The following KIAA1549L variants were observed in gnomAD, a reference collection of about 807,000 sequenced individuals.
KIAA1549L encodes the protein KIAA1549 like.
KIAA1549L carries 88 observed loss-of-function variants against 160.7 expected under a neutral mutation model. The ratio of observed to expected loss-of-function variants is 0.55; its 90% CI spans 0.46 to 0.65. The LOEUF (loss-of-function observed/expected upper bound fraction) is 0.65. KIAA1549L is among the 30% of genes least tolerant of loss of function. The pLI, the probability that KIAA1549L is intolerant of heterozygous loss-of-function variation, is 0.00. For synonymous variants in KIAA1549L, 950 were observed against 976.7 expected (o/e 0.97, Z 0.51); for missense variants, 2,258 against 2,437.5 (o/e 0.93, Z 1.55).
chr11:33,666,841 G>C (rs1852473008), intron 20 of KIAA1549L, among the ~76,000 whole-genome samples: 1 of 152,206 alleles, frequency 6.6e-6, no homozygotes, highest in Admixed American at 6.5e-5. Context: ...TGTCGCCTTA[G>C]ACCGTGGCAC....
At chr11:33,402,360 C>G (rs1186065080) in intron 1 of KIAA1549L, among the ~76,000 whole-genome samples, 1 of 152,204 alleles carries the variant, frequency 6.6e-6, no homozygotes, top group Admixed American at 6.5e-5. Context: ...GTTTCCTGCA[C>G]CTGCTCCCTC....
intron 8 of KIAA1549L, 40 bp from the exon 9 acceptor site, chr11:33,568,036 T>C (rs181601186): frequency 1.2e-5 from 18 of 1,544,230 alleles, no homozygotes; most frequent in African/African-American, 1.1e-4. Flanking sequence ...CAGCAGAAAG[T>C]CTGCCTTCTG....
intron 12 of KIAA1549L, among the ~76,000 whole-genome samples, chr11:33,593,568 C>T (rs540473474): frequency 4.6e-5 from 7 of 152,202 alleles, no homozygotes; most frequent in African/African-American, 7.2e-5. Flanking sequence ...AGGTGAGAGA[C>T]GATCGTGTCA....
intron 15 of KIAA1549L, among the ~76,000 whole-genome samples, chr11:33,613,719 A>G (rs921978203): frequency 5.3e-5 from 8 of 152,188 alleles, no homozygotes; most frequent in Admixed American, 2.0e-4. Flanking sequence ...ATGGGTGGAG[A>G]CAAATATCCA....
In KIAA1549L at chr11:33,593,435, T is replaced by C. The variant is rs193286890; in HGVS notation, c.4751+2014T>C. Among the ~76,000 whole-genome samples, 19 of 152,192 alleles carry C rather than the reference T, an allele frequency of 1.2e-4. No individual in the cohort carries two copies. The East Asian group carries it at 3.7e-3, about 29-fold the overall frequency. On this transcript the variant is annotated intron_variant, in intron 12 of 20. Transcript: ENST00000658780. ...GCCTGGATGACAGAGTGAGGGCTTG[T>C]CTCAAAATAAAATATAATTAAAATA...
At chr11:33,400,463 T>C (rs909408780) in intron 1 of KIAA1549L, among the ~76,000 whole-genome samples, 11 of 152,324 alleles carry the variant, frequency 7.2e-5, no homozygotes, top group African/African-American at 2.6e-4. Flanking sequence ...CAACTTCTAC[T>C]GAGTGTCTGT....
In KIAA1549L at chr11:33,639,537, T is replaced by C. The variant is rs1010123872; in HGVS notation, c.5410-6149T>C. 7.2e-5 allele frequency among the ~76,000 whole-genome samples: 11 copies of C among 152,156 alleles called. No individual in the cohort carries two copies. In the East Asian group the frequency reaches 2.1e-3, roughly 29 times the overall value. The stretch of plus-strand genomic sequence containing the variant: ...AACTCATGATTATATGCAAAGTTCT[T>C]TTATTATTATTATTATTTTTGAGAT... On this transcript the variant is annotated intron_variant, in intron 16 of 20. Transcript: ENST00000658780.
At chr11:33,645,258 G>C (rs1851684357) in intron 16 of KIAA1549L, among the ~76,000 whole-genome samples, 1 of 152,074 alleles carries the variant, frequency 6.6e-6, no homozygotes, top group Non-Finnish European at 1.5e-5. Context: ...ACCAAAGGCT[G>C]GACACAGGAC....
intron 1 of KIAA1549L, among the ~76,000 whole-genome samples, chr11:33,501,089 C>G (rs1041702036): frequency 3.9e-5 from 6 of 152,062 alleles, no homozygotes; most frequent in Admixed American, 6.6e-5. Flanking sequence ...GGATTATGAT[C>G]TAAATGTCAG....
intron 19 of KIAA1549L, among the ~76,000 whole-genome samples, chr11:33,660,427 C>A (rs567253651): frequency 6.6e-6 from 1 of 152,112 alleles, no homozygotes; most frequent in Non-Finnish European, 1.5e-5. Context: ...TAGCCAGGCA[C>A]AGTGGCAGGC....
intron 1 of KIAA1549L, among the ~76,000 whole-genome samples, chr11:33,406,406 C>T (rs543027426): frequency 2.0e-5 from 3 of 152,322 alleles, no homozygotes; most frequent in Non-Finnish European, 2.9e-5. Flanking sequence ...CACCAGTGTG[C>T]ATGTGCAGGG....
At chr11:33,520,168 T>G (rs1590306134) in intron 1 of KIAA1549L, among the ~76,000 whole-genome samples, 1 of 152,168 alleles carries the variant, frequency 6.6e-6, no homozygotes, top group Non-Finnish European at 1.5e-5. Flanking sequence ...ATCTAGCGAA[T>G]TTTTAAGCAT....
chr11:33,391,435 C>T (rs956655727), intron 1 of KIAA1549L, among the ~76,000 whole-genome samples: 8 of 152,166 alleles, frequency 5.3e-5, no homozygotes, highest in African/African-American at 1.9e-4. Flanking sequence ...TTATTAGTCT[C>T]AATTGGAGGC....
chr11:33,479,578 A>C (rs929980788), intron 1 of KIAA1549L, among the ~76,000 whole-genome samples: 2 of 152,208 alleles, frequency 1.3e-5, no homozygotes, highest in African/African-American at 4.8e-5. Context: ...GAAATTTAAA[A>C]GTTGAATTAG....
At chr11:33,617,643 A>G (rs1850847544) in intron 15 of KIAA1549L, among the ~76,000 whole-genome samples, 1 of 152,218 alleles carries the variant, frequency 6.6e-6, no homozygotes, top group Admixed American at 6.5e-5. Context: ...TCACTCTGAA[A>G]TTACCATGTT....
At chr11:33,479,389 G>A (rs1197047865) in intron 1 of KIAA1549L, among the ~76,000 whole-genome samples, 1 of 152,230 alleles carries the variant, frequency 6.6e-6, no homozygotes, top group Non-Finnish European at 1.5e-5. Flanking sequence ...GGTTTGTCGA[G>A]GGAGGGAACT....
chr11:33,651,462 T>C (rs944643528), intron 17 of KIAA1549L, among the ~76,000 whole-genome samples: 1 of 135,990 alleles, frequency 7.4e-6, no homozygotes, highest in East Asian at 2.2e-4. Flanking sequence ...AAAAAAGAAT[T>C]GGCTCTTGTG....
chr11:33,539,209 A>G (rs1191397385), intron 1 of KIAA1549L, among the ~76,000 whole-genome samples: 2 of 152,238 alleles, frequency 1.3e-5, no homozygotes, highest in Non-Finnish European at 2.9e-5. Flanking sequence ...GAAATATCCC[A>G]AACATATTGC....
chr11:33,406,876 C>A lies in KIAA1549L; in HGVS notation c.238+29987C>A, dbSNP rs145993059. Among the ~76,000 whole-genome samples the A allele has an allele frequency of 3.1e-3, 473 of 152,284 alleles. 6 individuals carry two copies. Among genetic ancestry groups the A allele is most frequent in the African/African-American group, 0.011 (458 of 41,566 alleles). On this transcript the variant is annotated intron_variant, in intron 1 of 20. Coordinates refer to ENST00000658780, the MANE Select transcript of KIAA1549L (RefSeq NM_012194.3). ...GATGAGGTCTTTTGGCCCCTTAAGACCTACTTAGATTGGCTCCAGCCCTCC... is the reference window on the plus strand; with the variant it reads ...GATGAGGTCTTTTGGCCCCTTAAGAACTACTTAGATTGGCTCCAGCCCTCC...
Sources: gnomAD v4.1 joint callset for allele counts (sites outside exome capture counted in the v4.1 genomes callset) on GRCh38, gnomAD v4.1.1 for gene constraint, MANE v1.5 for transcripts, NCBI Gene and HGNC (gene_info 2026-07-23, HGNC 2026-07-21) for gene names.